The following JADE3 variants were observed in gnomAD, a reference collection of about 807,000 sequenced individuals.
JADE3 encodes the protein protein Jade-3.
JADE3 carries 2 observed loss-of-function variants against 50.1 expected under a neutral mutation model. The observed-to-expected ratio is 0.04, with a 90% CI of 0.02 to 0.13. JADE3 has a LOEUF of 0.13. JADE3 is among the 10% of genes least tolerant of loss of function. The pLI, the probability that JADE3 is intolerant of heterozygous loss-of-function variation, is 1.00. For synonymous variants in JADE3, 218 were observed against 232.9 expected (o/e 0.94, Z 0.58); for missense variants, 475 against 634.4 (o/e 0.75, Z 2.70).
chrX:46,986,902 G>C (rs1927875290), intron 3 of JADE3, among the ~76,000 whole-genome samples: 1 of 112,482 alleles, frequency 8.9e-6, no homozygotes, highest in Admixed American at 9.4e-5. Context: ...AAGGAACAGA[G>C]AATATATTAG....
At chrX:46,918,046 G>T (rs1426571951) in intron 1 of JADE3, among the ~76,000 whole-genome samples, 1 of 111,213 alleles carries the variant, frequency 9.0e-6, no homozygotes, top group African/African-American at 3.3e-5. Context: ...GTCTTAAACA[G>T]TTTTTATCGA....
At chrX:47,053,847 GGAGACACAGAGAA>G (rs1209903421) in intron 8 of JADE3, among the ~76,000 whole-genome samples, 26 of 111,842 alleles carry the variant, frequency 2.3e-4, no homozygotes, top group Admixed American at 6.7e-4. Flanking sequence ...GGGTGATGTG[GGAGACACAGAGAA>G]GAGACTACAT....
At chrX:47,025,158 G>T (rs1452151761) in intron 5 of JADE3, among the ~76,000 whole-genome samples, 1 of 111,739 alleles carries the variant, frequency 8.9e-6, no homozygotes, top group Non-Finnish European at 1.9e-5. Context: ...ACAGATCAAG[G>T]ATAGCATATA....
At chrX:46,944,622 G>T (rs1311200942) in intron 1 of JADE3, among the ~76,000 whole-genome samples, 2 of 109,893 alleles carry the variant, frequency 1.8e-5, no homozygotes, top group East Asian at 5.7e-4. Flanking sequence ...CTCACTTCTT[G>T]ATATAGGCAT....
At chrX:46,923,393 C>CTCTATTTTTTTTT (rs1556338199) in intron 1 of JADE3, among the ~76,000 whole-genome samples, 1 of 11,525 alleles carries the variant, frequency 8.7e-5, no homozygotes, top group Non-Finnish European at 2.0e-4. Context: ...CTCTCTCTCT[C>CTCTATTTTTTTTT]TTTTTTTTTT....
chrX:46,984,272 T>G (rs1381270720), intron 1 of JADE3, among the ~76,000 whole-genome samples: 3 of 112,263 alleles, frequency 2.7e-5, no homozygotes, highest in Non-Finnish European at 5.6e-5. Context: ...TCCAAAGCAT[T>G]TTTATTTACC....
intron 3 of JADE3, among the ~76,000 whole-genome samples, chrX:46,988,288 A>G (rs782316701): frequency 7.2e-5 from 8 of 111,022 alleles, no homozygotes; most frequent in Non-Finnish European, 1.5e-4. Context: ...CTCTTGTTCT[A>G]TTCCTCCAGT....
chrX:46,954,086 T>TGG (rs781844985), intron 1 of JADE3, among the ~76,000 whole-genome samples: 28 of 110,752 alleles, frequency 2.5e-4, no homozygotes, highest in Admixed American at 1.1e-3. Context: ...TGGAGGGGGG[T>TGG]GGGAATCAGG....
Position 47,028,175 on chromosome X carries a change from C to T in JADE3, c.687+72C>T, listed in dbSNP as rs971652691. 9 of 710,123 alleles carry T rather than the reference C, an allele frequency of 1.3e-5. No individual in the cohort carries two copies. In the African/African-American group the frequency reaches 1.9e-4, roughly 15 times the overall value. 58.5% of individuals were successfully genotyped at this position (710,123 alleles called of 1,213,427 possible). A position where few individuals can be genotyped will look rare whatever the true frequency, so the allele number is the denominator to read the frequency against. ...AAGCTCAGTGATGATCTCCAGCACG[C>T]ATATCTGGGTAGCAGCTTGCATTTA... On this transcript the variant is annotated intron_variant, in intron 6 of 10. Transcript: ENST00000614628.
chrX:47,028,772 C>T (rs1928957414), intron 6 of JADE3, among the ~76,000 whole-genome samples: 1 of 110,843 alleles, frequency 9.0e-6, no homozygotes, highest in East Asian at 2.8e-4. Flanking sequence ...ATTTTTTCCC[C>T]CACAAGCACT....
chrX:47,034,387 T>C (rs782473411), intron 7 of JADE3, among the ~76,000 whole-genome samples: 11 of 111,317 alleles, frequency 9.9e-5, no homozygotes, highest in African/African-American at 3.6e-4. Flanking sequence ...ATACAGTATG[T>C]ATTTTTTTCG....
At chrX:46,998,021 A>C in intron 3 of JADE3, 99 bp from the exon 4 acceptor site, 1 of 659,483 alleles carries the variant, frequency 1.5e-6, no homozygotes. Flanking sequence ...CTCTTGTTGG[A>C]AGCAGAGTGG....
intron 8 of JADE3, among the ~76,000 whole-genome samples, chrX:47,044,477 A>C (rs1302264116): frequency 1.8e-5 from 2 of 111,767 alleles, no homozygotes; most frequent in Non-Finnish European, 3.8e-5. Context: ...TTTCCCAAAT[A>C]AACAAAAGCT....
chrX:46,935,272 C>G (rs1926591390), intron 1 of JADE3, among the ~76,000 whole-genome samples: 1 of 112,108 alleles, frequency 8.9e-6, no homozygotes, highest in Admixed American at 9.4e-5. Flanking sequence ...ATACCACTAT[C>G]TTGATTACTA....
intron 6 of JADE3, among the ~76,000 whole-genome samples, chrX:47,033,187 C>G (rs1556367131): frequency 8.9e-6 from 1 of 112,284 alleles, no homozygotes; most frequent in African/African-American, 3.2e-5. Context: ...TCATTTGCTC[C>G]TCAGAAGTTT....
intron 4 of JADE3, among the ~76,000 whole-genome samples, chrX:47,004,587 A>C (rs1205875675): frequency 9.0e-6 from 1 of 111,590 alleles, no homozygotes; most frequent in Non-Finnish European, 1.9e-5. Context: ...GTGCCGCCAT[A>C]TGCGGCTAAT....
At position 46,938,883 on chromosome X, in the gene JADE3, A is replaced by G. The variant is rs184853629; in HGVS notation, c.-12+26164A>G. Among the ~76,000 whole-genome samples the G allele has an allele frequency of 3.6e-5, 4 of 112,460 alleles. No homozygotes were observed. The East Asian group carries it at 1.1e-3, about 31-fold the overall frequency. On this transcript the variant is annotated intron_variant, in intron 1 of 10. Coordinates refer to ENST00000614628, the MANE Select transcript of JADE3 (RefSeq NM_014735.5). ...CGCTCTGTTGCCCAGGCCGGTGTGCAGTAGCATGATCTCAGCTCACTGCAA... is the reference window on the plus strand; with the variant it reads ...CGCTCTGTTGCCCAGGCCGGTGTGCGGTAGCATGATCTCAGCTCACTGCAA...
chrX:47,004,520 T>C (rs1013203679), intron 4 of JADE3, among the ~76,000 whole-genome samples: 1 of 111,828 alleles, frequency 8.9e-6, no homozygotes, highest in African/African-American at 3.3e-5. Context: ...AGCCTCAACC[T>C]CCTAAGCCCA....
At chrX:47,017,786 A>G (rs918492480) in intron 4 of JADE3, among the ~76,000 whole-genome samples, 2 of 111,833 alleles carry the variant, frequency 1.8e-5, no homozygotes, top group Non-Finnish European at 3.8e-5. Flanking sequence ...TTACTGGGCT[A>G]TGGAGATCAG....
Sources: gnomAD v4.1 joint callset for allele counts (sites outside exome capture counted in the v4.1 genomes callset) on GRCh38, gnomAD v4.1.1 for gene constraint, MANE v1.5 for transcripts, NCBI Gene and HGNC (gene_info 2026-07-23, HGNC 2026-07-21) for gene names.